Variants in ABCA4 observed in about 807,000 individuals in gnomAD.
ABCA4 encodes the protein retinal-specific phospholipid-transporting ATPase ABCA4.
In ABCA4, 196 loss-of-function variants were observed where a neutral mutation model predicts 263.7. That is an observed-to-expected ratio of 0.74 (90% CI 0.66 to 0.84). The LOEUF is 0.84. Among genes scored for constraint, ABCA4 ranks in the 40% least tolerant of loss-of-function variants. The pLI, the probability that ABCA4 is intolerant of heterozygous loss-of-function variation, is 0.00. For missense variants in ABCA4, 2,792 were observed against 2,855.1 expected, an observed-to-expected ratio of 0.98 and a Z score of 0.50; for synonymous variants, 1,133 against 1,094.2, an observed-to-expected ratio of 1.04 and a Z score of -0.70.
chr1:94,068,034 T>C (rs1384667782), intron 11 of ABCA4, among the ~76,000 whole-genome samples: 2 of 152,092 alleles, frequency 1.3e-5, no homozygotes, highest in East Asian at 3.8e-4. Flanking sequence ...CCATGGCAGC[T>C]GTTTATCAGG....
At chr1:94,050,073 C>A (rs1203972641) in intron 17 of ABCA4, among the ~76,000 whole-genome samples, 1 of 152,180 alleles carries the variant, frequency 6.6e-6, no homozygotes, top group Non-Finnish European at 1.5e-5. Flanking sequence ...CTCTGTCCCC[C>A]ACCCTCTGAA....
At chr1:94,001,700 C>T in intron 45 of ABCA4, 158 bp downstream of exon 45, 2 of 1,102,718 alleles carry the variant, frequency 1.8e-6, no homozygotes, top group Non-Finnish European at 2.7e-6. Flanking sequence ...GTGAACCAAA[C>T]ACTGGGCTGA....
At chr1:94,084,975 G>A (rs1247456791) in intron 6 of ABCA4, among the ~76,000 whole-genome samples, 2 of 152,186 alleles carry the variant, frequency 1.3e-5, no homozygotes, top group African/African-American at 4.8e-5. Flanking sequence ...GAGATTATTA[G>A]AGATGAAAAG....
At chr1:94,040,440 C>T (rs1025643780) in intron 23 of ABCA4, among the ~76,000 whole-genome samples, 1 of 152,058 alleles carries the variant, frequency 6.6e-6, no homozygotes, top group African/African-American at 2.4e-5. Context: ...CCTCCCTCCC[C>T]GTGGATGGAC....
chr1:94,112,158 C>G lies in ABCA4; in HGVS notation c.161-579G>C, dbSNP rs79845052. Among the ~76,000 whole-genome samples, 1,040 of 152,214 alleles carry G rather than the reference C, an allele frequency of 6.8e-3. 10 individuals carry two copies. The highest frequency in any genetic ancestry group is 0.022 in the African/African-American group (920 of 41,518). On this transcript the variant is annotated intron_variant, in intron 2 of 49. Coordinates refer to ENST00000370225, the MANE Select transcript of ABCA4 (RefSeq NM_000350.3). ...CTTCCACATTCACCACATAGAGGGC[C>G]GGAAACCAGGTGAAGGCTTTCCCAC...
In ABCA4 at chr1:94,046,450, T is replaced by G. The variant is rs1462524551; in HGVS notation, c.2918+469A>C. On this transcript the variant is annotated intron_variant, in intron 19 of 49. Coordinates refer to ENST00000370225, the MANE Select transcript of ABCA4 (RefSeq NM_000350.3). Reference sequence around the variant, plus strand: ...GCCCTCCAGCATGGGTAATGGTTACTATCTCAAAAAAAAAAAAAAAAAAAA... The same window carrying G: ...GCCCTCCAGCATGGGTAATGGTTACGATCTCAAAAAAAAAAAAAAAAAAAA... Among the ~76,000 whole-genome samples, 20 of 13,338 alleles carry G rather than the reference T, an allele frequency of 1.5e-3. 1 individual carries two copies. Among genetic ancestry groups the G allele is most frequent in the Admixed American group, 3.0e-3 (4 of 1,352 alleles). 8.8% of individuals were successfully genotyped at this position (13,338 alleles called of 152,430 possible). A position where few individuals can be genotyped will look rare whatever the true frequency, so the allele number is the denominator to read the frequency against.
chr1:94,101,223 T>G (rs1255588112), intron 5 of ABCA4, among the ~76,000 whole-genome samples: 3 of 152,226 alleles, frequency 2.0e-5, no homozygotes, highest in South Asian at 2.1e-4. Context: ...CTTATCTTCA[T>G]CTCCCTTTTA....
intron 40 of ABCA4, 87 bp from the exon 41 acceptor site, chr1:94,008,958 T>C: frequency 6.4e-7 from 1 of 1,561,394 alleles, no homozygotes; most frequent in Non-Finnish European, 8.7e-7. Flanking sequence ...TCCACTTCCT[T>C]GCTTCTGCTT....
At chr1:94,088,921 C>T (rs997028678) in intron 6 of ABCA4, among the ~76,000 whole-genome samples, 3 of 152,246 alleles carry the variant, frequency 2.0e-5, no homozygotes, top group African/African-American at 7.2e-5. Flanking sequence ...CAGTCACAAG[C>T]TCCCATCAGT....
chr1:94,040,035 G>C lies in ABCA4; in HGVS notation c.3607+8C>G. 6.3e-7 allele frequency: 1 copy of C among 1,595,788 alleles called. No homozygotes were observed. Among genetic ancestry groups the C allele is most frequent in the Non-Finnish European group, 8.6e-7 (1 of 1,169,478 alleles). Reference sequence around the variant, plus strand: ...ACGGAACCCAAGTATGGCCCGTCCAGTCCTTACCATCCAGGACTTGTTCTG... The same window carrying C: ...ACGGAACCCAAGTATGGCCCGTCCACTCCTTACCATCCAGGACTTGTTCTG... On this transcript the variant is annotated splice_region_variant and intron_variant, in intron 24 of 49. Coordinates refer to ENST00000370225, the MANE Select transcript of ABCA4 (RefSeq NM_000350.3).
chr1:93,995,010 A>T (rs1658959154), intron 49 of ABCA4, among the ~76,000 whole-genome samples: 1 of 152,242 alleles, frequency 6.6e-6, no homozygotes, highest in Admixed American at 6.5e-5. Context: ...TTTTAAAAAT[A>T]ATTTTCAACT....
At chr1:94,028,143 A>C (rs1451048602) in intron 30 of ABCA4, among the ~76,000 whole-genome samples, 1 of 152,244 alleles carries the variant, frequency 6.6e-6, no homozygotes, top group Non-Finnish European at 1.5e-5. Context: ...AGAGAGGTCA[A>C]GTAGTCCACC....
intron 6 of ABCA4, among the ~76,000 whole-genome samples, chr1:94,096,132 T>C (rs1303713101): frequency 1.3e-5 from 2 of 152,086 alleles, no homozygotes; most frequent in African/African-American, 4.8e-5. Context: ...ACTGAGGTGG[T>C]AAATTAAACT....
chr1:94,093,125 C>G (rs553670239), intron 6 of ABCA4, among the ~76,000 whole-genome samples: 1 of 152,210 alleles, frequency 6.6e-6, no homozygotes, highest in Non-Finnish European at 1.5e-5. Context: ...ATCCTGTGCT[C>G]AGGGGCAGGG....
chr1:94,120,698 G>A (rs1662923591), intron 1 of ABCA4, among the ~76,000 whole-genome samples: 1 of 151,692 alleles, frequency 6.6e-6, no homozygotes, highest in Admixed American at 6.6e-5. Flanking sequence ...ACGGGGGGTG[G>A]GGGAGGGGCG....
At chr1:94,044,425 C>T (rs1375854504) in intron 20 of ABCA4, among the ~76,000 whole-genome samples, 188 bp downstream of exon 20, 1 of 152,162 alleles carries the variant, frequency 6.6e-6, no homozygotes, top group African/African-American at 2.4e-5. Flanking sequence ...GAGGCAGAGT[C>T]CCATATTCTC....
At chr1:94,066,458 G>A (rs922483191) in intron 11 of ABCA4, among the ~76,000 whole-genome samples, 4 of 152,144 alleles carry the variant, frequency 2.6e-5, no homozygotes, top group African/African-American at 9.7e-5. Flanking sequence ...TTCCTAAAAC[G>A]AAAAACAAAA....
intron 29 of ABCA4, among the ~76,000 whole-genome samples, 164 bp from the exon 30 acceptor site, chr1:94,029,795 G>T (rs1660147456): frequency 6.6e-6 from 1 of 152,094 alleles, no homozygotes; most frequent in African/African-American, 2.4e-5. Flanking sequence ...TCAAAACTAG[G>T]GTTTTGTGAC....
chr1:93,997,660 A>G (rs1445280492), intron 48 of ABCA4, among the ~76,000 whole-genome samples: 1 of 152,244 alleles, frequency 6.6e-6, no homozygotes, highest in African/African-American at 2.4e-5. Context: ...TGTAAAAAAA[A>G]GAATCAATGA....
Sources: gnomAD v4.1 joint callset for allele counts (sites outside exome capture counted in the v4.1 genomes callset) on GRCh38, gnomAD v4.1.1 for gene constraint, MANE v1.5 for transcripts, NCBI Gene and HGNC (gene_info 2026-07-23, HGNC 2026-07-21) for gene names.